The following HTR1E variants were observed in gnomAD, a reference collection of about 807,000 sequenced individuals.
The protein encoded by HTR1E is 5-hydroxytryptamine receptor 1E.
HTR1E carries 3 observed loss-of-function variants against 3.4 expected under a neutral mutation model. The ratio of observed to expected loss-of-function variants is 0.89; its 90% confidence interval spans 0.41 to 2.31. The LOEUF (loss-of-function observed/expected upper bound fraction) is 2.31, where lower values mean the gene tolerates loss of function less well. HTR1E is among the 30% of genes most tolerant of loss of function. The pLI is 0.05. For synonymous variants in HTR1E, 170 were observed against 182.8 expected, an observed-to-expected ratio of 0.93 and a Z score of 0.56; for missense variants, 392 against 467.0, an observed-to-expected ratio of 0.84 and a Z score of 1.48.
chr6:86,982,511 A>C (rs910692530), intron 1 of HTR1E, among the ~76,000 whole-genome samples: 1 of 152,184 alleles, frequency 6.6e-6, no homozygotes, highest in Non-Finnish European at 1.5e-5. Flanking sequence ...AGAATCCAGG[A>C]ATGGGTCAGC....
At position 86,974,067 on chromosome 6, in the gene HTR1E, C is replaced by T. The variant is rs117567195; in HGVS notation, c.-186+36244C>T. 4.7e-3 allele frequency among the ~76,000 whole-genome samples: 711 copies of T among 152,284 alleles called. 6 individuals carry two copies. The highest frequency in any genetic ancestry group is 0.012 in the South Asian group (57 of 4,824). On this transcript the variant is annotated intron_variant, in intron 1 of 1. Coordinates refer to ENST00000305344, the MANE Select transcript of HTR1E (RefSeq NM_000865.3). ...CCTTCTCCACAAAACCCTTCTATAC[C>T]CACAGCTGGAAGTAATTTTCCCTCC...
At chr6:87,010,036 C>CACA (rs1768185089) in intron 1 of HTR1E, among the ~76,000 whole-genome samples, 1 of 127,944 alleles carries the variant, frequency 7.8e-6, no homozygotes. Context: ...CCCTCCCGGA[C>CACA]GGGGTGGCTG....
At chr6:86,986,549 G>A (rs991006665) in intron 1 of HTR1E, among the ~76,000 whole-genome samples, 7 of 152,080 alleles carry the variant, frequency 4.6e-5, no homozygotes, top group African/African-American at 9.7e-5. Context: ...CTAATCAGTC[G>A]TAACTTTCTT....
At chr6:86,972,295 T>C (rs1250014191) in intron 1 of HTR1E, among the ~76,000 whole-genome samples, 1 of 152,192 alleles carries the variant, frequency 6.6e-6, no homozygotes, top group Non-Finnish European at 1.5e-5. Flanking sequence ...TTTCATCCCT[T>C]ACATTCTTAG....
intron 1 of HTR1E, among the ~76,000 whole-genome samples, chr6:87,001,979 A>G (rs1205746358): frequency 1.3e-5 from 2 of 152,248 alleles, no homozygotes; most frequent in African/African-American, 4.8e-5. Flanking sequence ...TAGTTATATC[A>G]GACAAAATAG....
At chr6:86,969,741 T>C (rs1385305021) in intron 1 of HTR1E, among the ~76,000 whole-genome samples, 1 of 152,206 alleles carries the variant, frequency 6.6e-6, no homozygotes, top group Non-Finnish European at 1.5e-5. Flanking sequence ...ACCCCATCCC[T>C]GAGGTCCCAC....
chr6:86,995,031 C>T (rs960979263), intron 1 of HTR1E, among the ~76,000 whole-genome samples: 4 of 151,840 alleles, frequency 2.6e-5, no homozygotes, highest in Non-Finnish European at 5.9e-5. Context: ...TAAAATGTCC[C>T]CAAGTAACCC....
intron 1 of HTR1E, among the ~76,000 whole-genome samples, chr6:87,009,685 G>T (rs1182740188): frequency 2.1e-5 from 3 of 145,666 alleles, no homozygotes; most frequent in Non-Finnish European, 3.0e-5. Context: ...CTGGCCGGGC[G>T]GGGGGCCGAC....
intron 1 of HTR1E, among the ~76,000 whole-genome samples, chr6:86,957,472 T>A (rs1043933428): frequency 1.3e-5 from 2 of 152,230 alleles, no homozygotes; most frequent in Non-Finnish European, 2.9e-5. Context: ...ATCTTTTTTT[T>A]ATGAAACATT....
At position 86,947,134 on chromosome 6, in the gene HTR1E, A is replaced by G. The variant is rs145945078; in HGVS notation, c.-186+9311A>G. On this transcript the variant is annotated intron_variant, in intron 1 of 1. Coordinates refer to ENST00000305344, the MANE Select transcript of HTR1E (RefSeq NM_000865.3). ...TCTGTCTCAAAAAAAAAATGCACAG[A>G]GAAGGTTTCCATGTATCTAGTGGAA... Among the ~76,000 whole-genome samples, 566 of 152,212 alleles carry G rather than the reference A, an allele frequency of 3.7e-3. 6 individuals carry two copies. The highest frequency in any genetic ancestry group is 4.1e-3 in the Non-Finnish European group (277 of 67,978).
intron 1 of HTR1E, among the ~76,000 whole-genome samples, chr6:87,000,636 T>C (rs1337470923): frequency 1.3e-5 from 2 of 152,192 alleles, no homozygotes; most frequent in Non-Finnish European, 2.9e-5. Flanking sequence ...TATCCTAAAA[T>C]AGTATATCTA....
At chr6:87,002,674 G>A (rs903905716) in intron 1 of HTR1E, among the ~76,000 whole-genome samples, 1 of 152,104 alleles carries the variant, frequency 6.6e-6, no homozygotes, top group African/African-American at 2.4e-5. Context: ...TTTACAGAGT[G>A]CTGATTGGTG....
intron 1 of HTR1E, among the ~76,000 whole-genome samples, chr6:86,959,584 A>G (rs1290778432): frequency 6.6e-6 from 1 of 152,172 alleles, no homozygotes; most frequent in Non-Finnish European, 1.5e-5. Context: ...TCTGGGTACC[A>G]TTGCCTAGCC....
At chr6:87,006,398 C>G (rs1002558485) in intron 1 of HTR1E, among the ~76,000 whole-genome samples, 3 of 152,044 alleles carry the variant, frequency 2.0e-5, no homozygotes, top group African/African-American at 7.2e-5. Flanking sequence ...CCAGTCAGAA[C>G]AGTGATTATT....
intron 1 of HTR1E, among the ~76,000 whole-genome samples, chr6:87,007,236 TCA>T (rs1236872991): frequency 3.3e-5 from 5 of 152,098 alleles, no homozygotes; most frequent in African/African-American, 1.2e-4. Context: ...AAGACAAACT[TCA>T]CACAGTCTCA....
At chr6:87,007,848 C>T (rs771794981) in intron 1 of HTR1E, among the ~76,000 whole-genome samples, 26 of 152,054 alleles carry the variant, frequency 1.7e-4, no homozygotes, top group Non-Finnish European at 3.2e-4. Flanking sequence ...GCAGAAGGAT[C>T]GCTTGACACT....
intron 1 of HTR1E, among the ~76,000 whole-genome samples, chr6:86,970,003 CTG>C (rs1468732835): frequency 6.6e-6 from 1 of 152,182 alleles, no homozygotes; most frequent in African/African-American, 2.4e-5. Flanking sequence ...CTGGATCAAA[CTG>C]GAAACCAATA....
At chr6:86,954,657 A>C (rs1055237247) in intron 1 of HTR1E, among the ~76,000 whole-genome samples, 1 of 152,204 alleles carries the variant, frequency 6.6e-6, no homozygotes, top group Non-Finnish European at 1.5e-5. Context: ...ATGTAATGGC[A>C]AAGCCCGTAT....
intron 1 of HTR1E, among the ~76,000 whole-genome samples, chr6:86,974,061 C>T (rs575874374): frequency 2.0e-5 from 3 of 152,314 alleles, no homozygotes; most frequent in Admixed American, 1.3e-4. Context: ...CAAAACCCTT[C>T]TATACCCACA....
Sources: gnomAD v4.1 joint callset for allele counts (sites outside exome capture counted in the v4.1 genomes callset) on GRCh38, gnomAD v4.1.1 for gene constraint, MANE v1.5 for transcripts, NCBI Gene and HGNC (gene_info 2026-07-23, HGNC 2026-07-21) for gene names.